Variants in ZNF804A observed in about 807,000 individuals in gnomAD.
The protein encoded by ZNF804A is zinc finger protein 804A.
Under a neutral mutation model 16.5 loss-of-function variants are expected in ZNF804A, and 2 were observed. The ratio of observed to expected loss-of-function variants is 0.12; its 90% CI spans 0.05 to 0.38. The LOEUF (loss-of-function observed/expected upper bound fraction) is 0.38, where lower values mean the gene tolerates loss of function less well. Among genes scored for constraint, ZNF804A ranks in the 10% least tolerant of loss-of-function variants. The probability of loss-of-function intolerance (pLI) is 0.99; values close to 1 mark genes in which losing one functional copy is unlikely to be tolerated. For synonymous variants in ZNF804A, 534 were observed against 489.6 expected (o/e 1.09, Z -1.20); for missense variants, 1,473 against 1,390.7 (o/e 1.06, Z -0.94).
intron 1 of ZNF804A, among the ~76,000 whole-genome samples, chr2:184,735,699 G>A (rs556692141): frequency 1.3e-5 from 2 of 152,138 alleles, no homozygotes; most frequent in Non-Finnish European, 2.9e-5. Flanking sequence ...CAGAGAAATT[G>A]CTCTTTAGCA....
chr2:184,810,972 A>G (rs1052785624), intron 1 of ZNF804A, among the ~76,000 whole-genome samples: 2 of 152,232 alleles, frequency 1.3e-5, no homozygotes, highest in Non-Finnish European at 1.5e-5. Context: ...TCTTTGCAAT[A>G]TAATCATTTC....
In ZNF804A at chr2:184,938,103, A is replaced by T; in HGVS notation, c.2707A>T (p.Thr903Ser). The change falls in exon 4 of 4, where the codon ACT (threonine) becomes TCT (serine). Residue 903 changes from threonine to serine, a missense_variant. By Grantham distance (58) the Thr-to-Ser change is moderately conservative. Coordinates refer to ENST00000302277, the MANE Select transcript of ZNF804A (RefSeq NM_194250.2). ...AACTGAGCATTTAGAAATGGAGACC[A>T]CTTCTGGTGAATTGTCAGATGTTTC... ...GETEHLEMET[T>S]SGELSDVSND... The T allele has an allele frequency of 6.2e-7, 1 of 1,614,122 alleles. No homozygotes were observed.
At chr2:184,633,148 G>T (rs1691640529) in intron 1 of ZNF804A, among the ~76,000 whole-genome samples, 1 of 152,102 alleles carries the variant, frequency 6.6e-6, no homozygotes, top group African/African-American at 2.4e-5. Context: ...TGACCAACAG[G>T]AAGCTCACTC....
chr2:184,810,935 T>C (rs932826709), intron 1 of ZNF804A, among the ~76,000 whole-genome samples: 1 of 152,226 alleles, frequency 6.6e-6, no homozygotes, highest in Non-Finnish European at 1.5e-5. Context: ...GAAATTTTCA[T>C]TAGGTGTCAA....
At chr2:184,760,405 T>G (rs772932690) in intron 1 of ZNF804A, among the ~76,000 whole-genome samples, 1 of 152,170 alleles carries the variant, frequency 6.6e-6, no homozygotes, top group African/African-American at 2.4e-5. Context: ...TCTATTGAGA[T>G]AATAGATCTA....
chr2:184,707,006 T>A (rs533848621), intron 1 of ZNF804A, among the ~76,000 whole-genome samples: 2 of 152,244 alleles, frequency 1.3e-5, no homozygotes, highest in African/African-American at 2.4e-5. Flanking sequence ...TATGTGAAAA[T>A]CTTTTACCTG....
At chr2:184,711,576 C>T (rs554299868) in intron 1 of ZNF804A, among the ~76,000 whole-genome samples, 2 of 151,572 alleles carry the variant, frequency 1.3e-5, no homozygotes, top group African/African-American at 2.4e-5. Flanking sequence ...TAAAAAATTG[C>T]TTAGTCTAAT....
chr2:184,847,939 T>A (rs1212816709), intron 1 of ZNF804A, among the ~76,000 whole-genome samples: 1 of 151,996 alleles, frequency 6.6e-6, no homozygotes, highest in African/African-American at 2.4e-5. Flanking sequence ...TGGGGAAGGG[T>A]TGTGGAGCTT....
chr2:184,641,643 A>G (rs1345718594), intron 1 of ZNF804A, among the ~76,000 whole-genome samples: 3 of 152,236 alleles, frequency 2.0e-5, no homozygotes, highest in Non-Finnish European at 4.4e-5. Context: ...CATTGCACAA[A>G]ATAGCAAATT....
chr2:184,905,979 A>T (rs956874537), intron 2 of ZNF804A, among the ~76,000 whole-genome samples: 11 of 152,148 alleles, frequency 7.2e-5, no homozygotes, highest in Non-Finnish European at 1.0e-4. Context: ...ATTGACCTTC[A>T]ATGATCCATA....
chr2:184,617,712 A>G (rs1691349668), intron 1 of ZNF804A, among the ~76,000 whole-genome samples: 1 of 151,604 alleles, frequency 6.6e-6, no homozygotes, highest in Non-Finnish European at 1.5e-5. Context: ...GGTTAAGTCA[A>G]TTATTTAATA....
chr2:184,748,745 TTTGAG>T (rs1235671300), intron 1 of ZNF804A, among the ~76,000 whole-genome samples: 1 of 151,518 alleles, frequency 6.6e-6, no homozygotes, highest in African/African-American at 2.4e-5. Context: ...GTTTTATCAA[TTTGAG>T]TTAATTTTTT....
intron 1 of ZNF804A, among the ~76,000 whole-genome samples, chr2:184,738,776 A>G (rs1693671506): frequency 6.6e-6 from 1 of 152,216 alleles, no homozygotes; most frequent in South Asian, 2.1e-4. Flanking sequence ...AATGTGTACA[A>G]CTGTGTGCTC....
chr2:184,840,148 G>A lies in ZNF804A; in HGVS notation c.112-26221G>A, dbSNP rs570609260. Among the ~76,000 whole-genome samples, 12 of 152,308 alleles carry A rather than the reference G, an allele frequency of 7.9e-5. No individual in the cohort carries two copies. The East Asian group carries it at 2.3e-3, about 29-fold the overall frequency. On this transcript the variant is annotated intron_variant, in intron 1 of 3. Coordinates refer to ENST00000302277, the MANE Select transcript of ZNF804A (RefSeq NM_194250.2). ...TCACACCTGTAATCCCAGCACTTTG[G>A]GAGGCCAAGGTGGGAGGATCACCTG...
intron 3 of ZNF804A, among the ~76,000 whole-genome samples, chr2:184,934,271 C>A (rs773948955): frequency 6.6e-6 from 1 of 152,102 alleles, no homozygotes; most frequent in Non-Finnish European, 1.5e-5. Context: ...TGATCTGCTT[C>A]TAACAGTGAG....
At chr2:184,724,992 A>T (rs1693383329) in intron 1 of ZNF804A, among the ~76,000 whole-genome samples, 1 of 151,770 alleles carries the variant, frequency 6.6e-6, no homozygotes, top group Non-Finnish European at 1.5e-5. Flanking sequence ...GTATTTTAAA[A>T]ATTAGTGAAT....
chr2:184,869,090 G>A (rs1464212115), intron 2 of ZNF804A, among the ~76,000 whole-genome samples: 3 of 152,008 alleles, frequency 2.0e-5, no homozygotes, highest in Non-Finnish European at 4.4e-5. Context: ...ATTTTCGGAT[G>A]TGGGATGCTC....
chr2:184,904,755 C>G (rs1685243838), intron 2 of ZNF804A, among the ~76,000 whole-genome samples: 1 of 151,958 alleles, frequency 6.6e-6, no homozygotes. Flanking sequence ...TGCTTGTAGT[C>G]TATCAGTTTT....
rs114624138 is a variant in ZNF804A, at chr2:184,792,470, G to A, written c.112-73899G>A. Reference sequence around the variant, plus strand: ...CCATCTGTTTATCTTCTTTTGTGAGGTGCCTGTTCAGATCTTTTGCCCATT... The same window carrying A: ...CCATCTGTTTATCTTCTTTTGTGAGATGCCTGTTCAGATCTTTTGCCCATT... On this transcript the variant is annotated intron_variant, in intron 1 of 3. Transcript: ENST00000302277. 3.7e-3 allele frequency among the ~76,000 whole-genome samples: 556 copies of A among 152,114 alleles called. 3 individuals are homozygous for A. Among genetic ancestry groups the A allele is most frequent in the African/African-American group, 0.013 (534 of 41,504 alleles).
Sources: allele counts gnomAD v4.1 joint callset (sites outside exome capture counted in the v4.1 genomes callset), GRCh38; gene constraint gnomAD v4.1.1; transcripts MANE v1.5; gene names NCBI Gene and HGNC (gene_info 2026-07-23, HGNC 2026-07-21).